TRIM4: variants seen among roughly 807,000 people sequenced by gnomAD.
TRIM4 encodes tripartite motif containing 4, also known as E3 ubiquitin-protein ligase TRIM4.
Under a neutral mutation model 33.7 loss-of-function variants are expected in TRIM4, and 29 were observed. The ratio of observed to expected loss-of-function variants is 0.86; its 90% CI spans 0.64 to 1.17. The LOEUF is 1.17. TRIM4 is among the 50% of genes most tolerant of loss of function. The pLI is 0.00. For missense variants in TRIM4, 554 were observed against 593.7 expected (o/e 0.93, Z 0.69); for synonymous variants, 224 against 233.0 (o/e 0.96, Z 0.35).
At chr7:99,916,072 C>T (rs1819549208) in intron 1 of TRIM4, among the ~76,000 whole-genome samples, 1 of 152,114 alleles carries the variant, frequency 6.6e-6, no homozygotes, top group Admixed American at 6.5e-5. Context: ...ATGAAAAATG[C>T]TTAGAACTGT....
At chr7:99,908,888 T>G in intron 2 of TRIM4, 76 bp from the exon 3 acceptor site, 1 of 1,351,918 alleles carries the variant, frequency 7.4e-7, no homozygotes, top group Non-Finnish European at 1.0e-6. Context: ...AATTCCCCAG[T>G]AATCCACAGT....
intron 5 of TRIM4, among the ~76,000 whole-genome samples, chr7:99,902,549 C>T (rs573332102): frequency 1.7e-4 from 26 of 152,144 alleles, no homozygotes; most frequent in Non-Finnish European, 3.7e-4. Context: ...GCCCGGCCTA[C>T]AACATGGTTC....
intron 2 of TRIM4, among the ~76,000 whole-genome samples, chr7:99,909,155 T>TGTGTGC (rs1249478128): frequency 3.3e-5 from 5 of 151,018 alleles, no homozygotes; most frequent in African/African-American, 1.2e-4. Flanking sequence ...TGTGTGTGTG[T>TGTGTGC]GTGCGTGTGT....
rs73405434 is a variant in TRIM4 at position 99,909,358 on chromosome 7, C to A, written c.489+207G>T. ...GGGACAGGTACTTCCTCTCCTATCC[C>A]CGTATCTACAAGGGGCCTGACAACT... On this transcript the variant is annotated intron_variant, in intron 2 of 5. Coordinates refer to ENST00000349062, the MANE Select transcript of TRIM4 (RefSeq NM_033091.3). Among the ~76,000 whole-genome samples the A allele has an allele frequency of 5.9e-3, 902 of 152,198 alleles. 12 individuals carry two copies. Among genetic ancestry groups the A allele is most frequent in the African/African-American group, 0.021 (869 of 41,516 alleles).
chr7:99,907,727 G>A (rs538594150), intron 3 of TRIM4, among the ~76,000 whole-genome samples: 1 of 152,190 alleles, frequency 6.6e-6, no homozygotes, highest in African/African-American at 2.4e-5. Flanking sequence ...TAACTACTGG[G>A]TGGGTCCAGG....
chr7:99,895,614 T>C (rs1050726988), intron 5 of TRIM4, among the ~76,000 whole-genome samples: 2 of 151,754 alleles, frequency 1.3e-5, no homozygotes, highest in Non-Finnish European at 1.5e-5. Flanking sequence ...ATTGCCTAAT[T>C]ATTCTAAAAA....
chr7:99,907,838 A>G (rs891252192), intron 3 of TRIM4, among the ~76,000 whole-genome samples: 1 of 152,204 alleles, frequency 6.6e-6, no homozygotes, highest in Non-Finnish European at 1.5e-5. Flanking sequence ...CCTTTTAGAG[A>G]TCTTTTCATC....
At chr7:99,903,085 A>T (rs1180942189) in intron 5 of TRIM4, 133 bp downstream of exon 5, 2 of 662,178 alleles carry the variant, frequency 3.0e-6, no homozygotes, top group African/African-American at 3.6e-5. Context: ...TGAAGTGTAT[A>T]CCCATTTATT....
intron 1 of TRIM4, among the ~76,000 whole-genome samples, chr7:99,910,802 T>C (rs78082959): frequency 0.012 from 1,860 of 152,320 alleles, 36 homozygotes; most frequent in African/African-American, 0.043. Flanking sequence ...TCAATCAACA[T>C]TGACAAATTG....
At chr7:99,905,652 C>T (rs1224497508) in intron 3 of TRIM4, among the ~76,000 whole-genome samples, 1 of 152,114 alleles carries the variant, frequency 6.6e-6, no homozygotes, top group East Asian at 1.9e-4. Flanking sequence ...TAGTAACCAC[C>T]CTCCAGTTGT....
intron 1 of TRIM4, chr7:99,917,715 A>G (rs2151654805): frequency 1.3e-6 from 1 of 765,360 alleles, no homozygotes; most frequent in Non-Finnish European, 1.6e-6. Context: ...GCGAAACTCC[A>G]TCTCAAAAAC....
At chr7:99,913,777 A>G (rs576183123) in intron 1 of TRIM4, among the ~76,000 whole-genome samples, 8 of 152,216 alleles carry the variant, frequency 5.3e-5, no homozygotes, top group Non-Finnish European at 8.8e-5. Flanking sequence ...AAGTGTAATA[A>G]AAGAGCATAC....
chr7:99,909,448 A>T (rs771053588), intron 2 of TRIM4, 117 bp downstream of exon 2: 70 of 772,292 alleles, frequency 9.1e-5, no homozygotes, highest in Non-Finnish European at 1.4e-4. Flanking sequence ...GTTCTGAGGC[A>T]TCCAAGACTC....
Position 99,900,114 on chromosome 7 carries a change from G to A in TRIM4, c.841+3104C>T, listed in dbSNP as rs573722400. Among the ~76,000 whole-genome samples, 9 of 152,302 alleles carry A rather than the reference G, an allele frequency of 5.9e-5. 1 individual carries two copies. Among genetic ancestry groups the A allele is most frequent in the African/African-American group, 1.9e-4 (8 of 41,564 alleles). On this transcript the variant is annotated intron_variant, in intron 5 of 5. Coordinates refer to ENST00000349062, the MANE Select transcript of TRIM4 (RefSeq NM_033091.3). ...GTATAAGATTTAATATAAGGAACTG[G>A]CTTGTGTGATTATTGCTACTGACAA...
In TRIM4 at chr7:99,919,504, A is replaced by G. The variant is rs1347004514; in HGVS notation, c.-103T>C. 4 of 1,276,736 alleles carry G rather than the reference A, an allele frequency of 3.1e-6. No individual in the cohort carries two copies. The highest frequency in any genetic ancestry group is 3.2e-5 in the African/African-American group (2 of 62,944). The allele number at this position is 1,276,736 out of a possible 1,614,324, so 79.1% of individuals were successfully genotyped here. A position where few individuals can be genotyped will look rare whatever the true frequency, so the allele number is the denominator to read the frequency against. On this transcript the variant is annotated 5_prime_UTR_variant, in exon 1 of 6. Transcript: ENST00000349062. ...GCCAGACGACTTCCGAACCGCCGTC[A>G]CCGCCTCACGTAAAAGGGTACAACG...
intron 5 of TRIM4, among the ~76,000 whole-genome samples, chr7:99,897,903 C>T (rs574113536): frequency 1.3e-5 from 2 of 152,342 alleles, no homozygotes; most frequent in South Asian, 2.1e-4. Flanking sequence ...CTTCCCCTTT[C>T]TTGTACCCAC....
chr7:99,894,551 C>T (rs1818972399), intron 5 of TRIM4, among the ~76,000 whole-genome samples: 1 of 151,958 alleles, frequency 6.6e-6, no homozygotes, highest in African/African-American at 2.4e-5. Context: ...CCTGCAGTCC[C>T]AGCTACTTGG....
At chr7:99,893,298 G>A (rs1319765835) in intron 5 of TRIM4, among the ~76,000 whole-genome samples, 2 of 152,038 alleles carry the variant, frequency 1.3e-5, no homozygotes, top group African/African-American at 2.4e-5. Context: ...CTAGAAACTG[G>A]GGATCTAATT....
At chr7:99,918,950 G>A (rs887973877) in intron 1 of TRIM4, 59 bp downstream of exon 1, 6 of 1,522,186 alleles carry the variant, frequency 3.9e-6, no homozygotes, top group Non-Finnish European at 5.3e-6. Flanking sequence ...GGAGCATTAA[G>A]TAAACTTTAT....
Sources: gnomAD v4.1 joint callset for allele counts (sites outside exome capture counted in the v4.1 genomes callset) on GRCh38, gnomAD v4.1.1 for gene constraint, MANE v1.5 for transcripts, NCBI Gene and HGNC (gene_info 2026-07-23, HGNC 2026-07-21) for gene names.